The following SLC24A2 variants were observed in gnomAD, a reference collection of about 807,000 sequenced individuals.
The protein encoded by SLC24A2 is solute carrier family 24 member 2, also known as sodium/potassium/calcium exchanger 2.
A neutral mutation model predicts 62.0 loss-of-function variants in SLC24A2; 36 were observed. That is an observed-to-expected ratio of 0.58 (90% confidence interval 0.44 to 0.77). The LOEUF is 0.77. Ranked by LOEUF, SLC24A2 falls within the 30% of genes least tolerant of loss-of-function variation. The pLI is 0.00. For synonymous variants in SLC24A2, 358 were observed against 294.0 expected (o/e 1.22, Z -2.23); for missense variants, 846 against 817.9 (o/e 1.03, Z -0.42).
chr9:19,751,967 C>T (rs952612931), intron 2 of SLC24A2, among the ~76,000 whole-genome samples: 1 of 152,142 alleles, frequency 6.6e-6, no homozygotes, highest in Admixed American at 6.5e-5. Context: ...TTTCTATGTA[C>T]CAGCTGCTTC....
chr9:19,680,526 G>A (rs969791587), intron 2 of SLC24A2, among the ~76,000 whole-genome samples: 28 of 123,216 alleles, frequency 2.3e-4, no homozygotes, highest in East Asian at 9.3e-4. Context: ...TACAACTTTC[G>A]CTCATTAAAA....
At chr9:19,679,820 C>T (rs1819663315) in intron 2 of SLC24A2, among the ~76,000 whole-genome samples, 1 of 149,862 alleles carries the variant, frequency 6.7e-6, no homozygotes, top group African/African-American at 2.5e-5. Context: ...ATTCCCACAA[C>T]AAATCTCCTC....
chr9:20,037,951 T>A, the SLC24A2 span, among the ~76,000 whole-genome samples: 5 of 152,224 alleles, frequency 3.3e-5, no homozygotes. Flanking sequence ...TATTTTAGGA[T>A]GATTACAATA....
At chr9:19,636,318 T>TTTTCTTTC (rs1818331127) in intron 2 of SLC24A2, among the ~76,000 whole-genome samples, 1 of 32,220 alleles carries the variant, frequency 3.1e-5, no homozygotes, top group Non-Finnish European at 6.4e-5. Context: ...TCTTTTCTTT[T>TTTTCTTTC]CTTTCTTTCT....
intron 2 of SLC24A2, among the ~76,000 whole-genome samples, chr9:19,784,877 A>C (rs1587323815): frequency 1.3e-5 from 2 of 152,226 alleles, no homozygotes; most frequent in East Asian, 3.8e-4. Flanking sequence ...ACGGTCATCA[A>C]ACTTGGCTAT....
the SLC24A2 span, among the ~76,000 whole-genome samples, chr9:19,833,808 T>G: frequency 3.3e-5 from 5 of 152,228 alleles, no homozygotes. Flanking sequence ...CCGAGTAGCC[T>G]AACTGGGGGG....
chr9:19,780,669 A>G (rs964502409), intron 2 of SLC24A2, among the ~76,000 whole-genome samples: 2 of 151,700 alleles, frequency 1.3e-5, no homozygotes, highest in Non-Finnish European at 2.9e-5. Context: ...GTGGATCACG[A>G]GGTCAGGAGA....
the SLC24A2 span, among the ~76,000 whole-genome samples, chr9:19,938,048 A>G: frequency 6.6e-6 from 1 of 152,222 alleles, no homozygotes; most frequent in African/African-American, 2.4e-5. Flanking sequence ...AGCATTAACT[A>G]TTAGTGAGTC....
At chr9:19,973,803 G>C in the SLC24A2 span, among the ~76,000 whole-genome samples, 1 of 152,098 alleles carries the variant, frequency 6.6e-6, no homozygotes, top group Non-Finnish European at 1.5e-5. Context: ...TAACTAAAAG[G>C]TTGTTTAAAA....
chr9:20,033,969 C>T, the SLC24A2 span, among the ~76,000 whole-genome samples: 1 of 152,218 alleles, frequency 6.6e-6, no homozygotes, highest in African/African-American at 2.4e-5. Context: ...GCCAAGAACT[C>T]ATGTGGCCTT....
At chr9:20,140,736 C>T in the SLC24A2 span, among the ~76,000 whole-genome samples, 1 of 152,114 alleles carries the variant, frequency 6.6e-6, no homozygotes, top group African/African-American at 2.4e-5. Context: ...ATGTTATCCA[C>T]CCACAACCCC....
rs765153053 is a variant in SLC24A2, at chr9:19,619,686, G to A, written c.976C>T (p.Pro326Ser). 4 of 1,613,092 alleles carry A rather than the reference G, an allele frequency of 2.5e-6. No homozygotes were observed. Among genetic ancestry groups the A allele is most frequent in the South Asian group, 1.1e-5 (1 of 91,062 alleles). The change falls in exon 4 of 11, where the codon CCG (proline) becomes TCG (serine). Residue 326 changes from proline to serine, a missense_variant. Physicochemically the swap from Pro to Ser is moderately conservative, Grantham distance 74. Coordinates refer to ENST00000341998, the MANE Select transcript of SLC24A2 (RefSeq NM_020344.4). The part of the protein sequence containing the change: ...DKDEPTLPAK[P>S]RLQRGGSSAS... Reference sequence around the variant, plus strand: ...GAGCTTCCACCTCGCTGGAGACGCGGCTTAGCCTGAGCAGAGAAACCAAAG... The same window carrying A: ...GAGCTTCCACCTCGCTGGAGACGCGACTTAGCCTGAGCAGAGAAACCAAAG...
the SLC24A2 span, among the ~76,000 whole-genome samples, chr9:19,851,544 G>T: frequency 6.6e-6 from 1 of 152,042 alleles, no homozygotes. Flanking sequence ...TGTTCTCATT[G>T]TTCAGCTCCC....
chr9:19,793,492 T>C (rs1357787236), upstream of SLC24A2, among the ~76,000 whole-genome samples: 5 of 152,186 alleles, frequency 3.3e-5, no homozygotes, highest in African/African-American at 4.8e-5. Flanking sequence ...CAGAGAAGAA[T>C]GGAAAGATTT....
At chr9:19,934,506 G>A in the SLC24A2 span, among the ~76,000 whole-genome samples, 1 of 151,998 alleles carries the variant, frequency 6.6e-6, no homozygotes, top group East Asian at 1.9e-4. The surrounding 1 kb of genome is among the most constrained non-coding windows in gnomAD (Gnocchi z 4.1). Flanking sequence ...AGGTCCCCGC[G>A]CACCCCCGTT....
At chr9:20,024,964 T>C in the SLC24A2 span, among the ~76,000 whole-genome samples, 2 of 152,208 alleles carry the variant, frequency 1.3e-5, no homozygotes, top group Admixed American at 6.5e-5. Flanking sequence ...ATCTGTCTTC[T>C]GTACCCTCTT....
Position 19,550,457 on chromosome 9 carries a change from C to T in SLC24A2, c.1348-189G>A, listed in dbSNP as rs574094881. ...TCCTAGGAACAAATAATACATTGTCCAGCCATGAGCATGTAAGAATTTTCT... is the reference window on the plus strand; with the variant it reads ...TCCTAGGAACAAATAATACATTGTCTAGCCATGAGCATGTAAGAATTTTCT... On this transcript the variant is annotated intron_variant, in intron 7 of 10. Coordinates refer to ENST00000341998, the MANE Select transcript of SLC24A2 (RefSeq NM_020344.4). Among the ~76,000 whole-genome samples, 9 of 152,248 alleles carry T rather than the reference C, an allele frequency of 5.9e-5. No individual in the cohort carries two copies. In the East Asian group the frequency reaches 1.5e-3, roughly 26 times the overall value.
chr9:19,690,934 A>C (rs1053927758), intron 2 of SLC24A2, among the ~76,000 whole-genome samples: 2 of 150,374 alleles, frequency 1.3e-5, no homozygotes, highest in African/African-American at 4.9e-5. Context: ...AGAGAGAGAG[A>C]GACAGAGAGA....
At chr9:20,266,055 T>C in the SLC24A2 span, among the ~76,000 whole-genome samples, 1 of 152,182 alleles carries the variant, frequency 6.6e-6, no homozygotes, top group South Asian at 2.1e-4. Context: ...TCAATGACAA[T>C]GCGTGCCCGA....
Sources: allele counts gnomAD v4.1 joint callset (sites outside exome capture counted in the v4.1 genomes callset), GRCh38; gene constraint gnomAD v4.1.1; non-coding constraint Gnocchi (gnomAD v3.1); transcripts MANE v1.5; gene names NCBI Gene and HGNC (gene_info 2026-07-23, HGNC 2026-07-21).